The following ZNF492 variants were observed in gnomAD, a reference collection of about 807,000 sequenced individuals.
The protein encoded by ZNF492 is zinc finger protein 492.
Under a neutral mutation model 6.4 loss-of-function variants are expected in ZNF492, and 3 were observed. The observed-to-expected ratio is 0.47, with a 90% CI of 0.21 to 1.22. The LOEUF is 1.22. Among genes scored for constraint, ZNF492 ranks in the 50% most tolerant of loss-of-function variants. The pLI, the probability that ZNF492 is intolerant of heterozygous loss-of-function variation, is 0.22. For missense variants in ZNF492, 356 were observed against 612.5 expected, an observed-to-expected ratio of 0.58 and a Z score of 4.42; for synonymous variants, 112 against 205.3, an observed-to-expected ratio of 0.55 and a Z score of 3.89.
chr19:22,641,941 CTG>C (rs1568352231), intron 1 of ZNF492, among the ~76,000 whole-genome samples: 2 of 152,036 alleles, frequency 1.3e-5, no homozygotes, highest in Non-Finnish European at 2.9e-5. Context: ...CTACAGGCGC[CTG>C]CCACCATGCC....
chr19:22,647,420 T>C (rs7409379), intron 1 of ZNF492, among the ~76,000 whole-genome samples: 63,932 of 150,234 alleles, frequency 0.43, 16,579 homozygotes, highest in African/African-American at 0.75. Context: ...CTACACCCAG[T>C]TAATTTTTTT....
At position 22,654,322 on chromosome 19, in the gene ZNF492, G is replaced by A. The variant is rs572857560; in HGVS notation, c.130+307G>A. On this transcript the variant is annotated intron_variant, in intron 3 of 3. Coordinates refer to ENST00000456783, the MANE Select transcript of ZNF492 (RefSeq NM_020855.3). ...ACTTTTTCACTGTTTTTGAAAACAC[G>A]TAGATAATCTGCATAATTTTGAGAA... Among the ~76,000 whole-genome samples the A allele has an allele frequency of 4.9e-3, 745 of 152,118 alleles. 11 individuals are homozygous for A. Among genetic ancestry groups the A allele is most frequent in the South Asian group, 7.5e-3 (36 of 4,830 alleles).
At position 22,642,982 on chromosome 19, in the gene ZNF492, G is replaced by A. The variant is rs546283058; in HGVS notation, c.-94+8508G>A. On this transcript the variant is annotated intron_variant, in intron 1 of 3. Transcript: ENST00000456783. The stretch of plus-strand genomic sequence containing the variant: ...GAAGTACTTACAATGCAAAAGCAAG[G>A]TCTGGCCGTGGTGGCTCACTCCTGT... 3.3e-5 allele frequency among the ~76,000 whole-genome samples: 5 copies of A among 152,254 alleles called. No individual in the cohort carries two copies. The Middle Eastern group carries it at 0.014, about 414-fold the overall frequency.
chr19:22,640,825 T>G (rs1285733900), intron 1 of ZNF492, among the ~76,000 whole-genome samples: 2 of 152,170 alleles, frequency 1.3e-5, no homozygotes, highest in Non-Finnish European at 2.9e-5. Context: ...AGGGCTTTGA[T>G]TTATTTTTTG....
Position 22,667,276 on chromosome 19 carries a change from T to TG in ZNF492, c.*2013dup, listed in dbSNP as rs1208191095. 1 of 152,190 alleles carries TG rather than the reference T, an allele frequency of 6.6e-6. No individual in the cohort carries two copies. Among genetic ancestry groups the TG allele is most frequent in the Non-Finnish European group, 1.5e-5 (1 of 68,030 alleles). The allele number at this position is 152,190 out of a possible 1,614,324, so 9.4% of individuals were successfully genotyped here. A position where few individuals can be genotyped will look rare whatever the true frequency, so the allele number is the denominator to read the frequency against. Reference sequence around the variant, plus strand: ...TAAATGGTGGTAACAATACACTATTTGGTAAAAGAATGCACTAACATCTGT... The same window carrying TG: ...TAAATGGTGGTAACAATACACTATTTGGGTAAAAGAATGCACTAACATCTGT... On this transcript the variant is annotated 3_prime_UTR_variant, in exon 4 of 4. Transcript: ENST00000456783.
At position 22,660,927 on chromosome 19, in the gene ZNF492, T is replaced by C. The variant is rs200677905; in HGVS notation, c.131-2873T>C. Among the ~76,000 whole-genome samples, 241 of 149,868 alleles carry C rather than the reference T, an allele frequency of 1.6e-3. 1 individual carries two copies. Among genetic ancestry groups the C allele is most frequent in the East Asian group, 5.9e-3 (30 of 5,080 alleles). The stretch of plus-strand genomic sequence containing the variant: ...CAACTTGATAGCTTTTTTTTTTTTT[T>C]TCCCCTCAGGACTTTGTGTCACACG... On this transcript the variant is annotated intron_variant, in intron 3 of 3. Coordinates refer to ENST00000456783, the MANE Select transcript of ZNF492 (RefSeq NM_020855.3).
chr19:22,634,489 T>TCCGACATC lies in ZNF492; in HGVS notation c.-94+20_-94+27dup. 1 of 1,379,932 alleles carries TCCGACATC rather than the reference T, an allele frequency of 7.2e-7. No homozygotes were observed. The highest frequency in any genetic ancestry group is 1.0e-6 in the Non-Finnish European group (1 of 982,172). 85.5% of individuals were successfully genotyped at this position (1,379,932 alleles called of 1,614,324 possible). Reference sequence around the variant, plus strand: ...GCCTAGAAACGGTGAGAGTGCCGGGTCCGACATCCCGAGAGAGGGGAAGGG... The same window carrying TCCGACATC: ...GCCTAGAAACGGTGAGAGTGCCGGGTCCGACATCCCGACATCCCGAGAGAGGGGAAGGG... On this transcript the variant is annotated intron_variant, in intron 1 of 3. Transcript: ENST00000456783.
At chr19:22,645,630 C>T (rs1971870163) in intron 1 of ZNF492, among the ~76,000 whole-genome samples, 1 of 152,092 alleles carries the variant, frequency 6.6e-6, no homozygotes, top group South Asian at 2.1e-4. Context: ...CCTAGATTTT[C>T]TTCTAGGGTT....
intron 1 of ZNF492, among the ~76,000 whole-genome samples, chr19:22,639,481 C>T (rs7246908): frequency 0.11 from 17,138 of 151,774 alleles, 1,019 homozygotes; most frequent in East Asian, 0.16. Flanking sequence ...GAGGCCAAGG[C>T]GGGCAGATCA....
At chr19:22,654,867 C>CT (rs1244729947) in intron 3 of ZNF492, among the ~76,000 whole-genome samples, 4 of 150,250 alleles carry the variant, frequency 2.7e-5, no homozygotes, top group Non-Finnish European at 4.4e-5. Flanking sequence ...TCCCAGAGTG[C>CT]TAGAATTACA....
In ZNF492 at chr19:22,653,374, C is replaced by T; in HGVS notation, c.-26C>T. 6.2e-7 allele frequency: 1 copy of T among 1,613,842 alleles called. No homozygotes were observed. Among genetic ancestry groups the T allele is most frequent in the South Asian group, 1.1e-5 (1 of 91,066 alleles). ...GAGGAGTGGCAATGCCTGGACACCG[C>T]ACAGCAGAATTTATATAGGAATGTG... On this transcript the variant is annotated 5_prime_UTR_variant, in exon 2 of 4. Coordinates refer to ENST00000456783, the MANE Select transcript of ZNF492 (RefSeq NM_020855.3).
chr19:22,665,425 A>G lies in ZNF492; in HGVS notation c.*160A>G, dbSNP rs890835244. 8.7e-6 allele frequency: 12 copies of G among 1,380,550 alleles called. No homozygotes were observed. The African/African-American group carries it at 1.8e-4, about 20-fold the overall frequency. The allele number at this position is 1,380,550 out of a possible 1,614,324, so 85.5% of individuals were successfully genotyped here. A position where few individuals can be genotyped will look rare whatever the true frequency, so the allele number is the denominator to read the frequency against. On this transcript the variant is annotated 3_prime_UTR_variant, in exon 4 of 4. Coordinates refer to ENST00000456783, the MANE Select transcript of ZNF492 (RefSeq NM_020855.3). ...GCACAGGAAAGCCTTTATACTTGAG[A>G]ACAAATGTACAAATATAAAGAAAGT...
At chr19:22,644,104 GC>G in intron 1 of ZNF492, among the ~76,000 whole-genome samples, 1 of 152,264 alleles carries the variant, frequency 6.6e-6, no homozygotes, top group South Asian at 2.1e-4. Context: ...TGTGGTGGTA[GC>G]AGGTAAACAT....
In ZNF492 at chr19:22,667,608, A is replaced by T. The variant is rs1263090234; in HGVS notation, c.*2343A>T. 2 of 151,984 alleles carry T rather than the reference A, an allele frequency of 1.3e-5. No homozygotes were observed. The highest frequency in any genetic ancestry group is 6.6e-5 in the Admixed American group (1 of 15,254). 9.4% of individuals were successfully genotyped at this position (151,984 alleles called of 1,614,324 possible). ...CTACAGGGTTATTTTTATAATAAAA[A>T]TTATATACAAGTATAAAATTTACAC... On this transcript the variant is annotated 3_prime_UTR_variant, in exon 4 of 4. Coordinates refer to ENST00000456783, the MANE Select transcript of ZNF492 (RefSeq NM_020855.3).
At chr19:22,640,276 C>T (rs1361532421) in intron 1 of ZNF492, among the ~76,000 whole-genome samples, 1 of 152,070 alleles carries the variant, frequency 6.6e-6, no homozygotes, top group Non-Finnish European at 1.5e-5. Flanking sequence ...AATTCTCCTG[C>T]CTTAGCCTCC....
intron 1 of ZNF492, among the ~76,000 whole-genome samples, chr19:22,635,312 C>A (rs1971749928): frequency 1.3e-5 from 2 of 152,214 alleles, no homozygotes; most frequent in Non-Finnish European, 2.9e-5. Context: ...CAACCCCCCA[C>A]ACCCCATTTC....
Position 22,665,233 on chromosome 19 carries a change from A to C in ZNF492, c.1564A>C (p.Lys522Gln). 1 of 1,584,894 alleles carries C rather than the reference A, an allele frequency of 6.3e-7. No individual in the cohort carries two copies. The highest frequency in any genetic ancestry group is 8.6e-7 in the Non-Finnish European group (1 of 1,165,380). The change falls in exon 4 of 4, where the codon AAA becomes CAA. Residue 522 changes from lysine to glutamine, a missense_variant. Coordinates refer to ENST00000456783, the MANE Select transcript of ZNF492 (RefSeq NM_020855.3). ...TTGTGACAACATTGCAAAGATTTCCAAATATAAAAGAAATTGTGCTGGTGA... is the reference window on the plus strand; with the variant it reads ...TTGTGACAACATTGCAAAGATTTCCCAATATAAAAGAAATTGTGCTGGTGA... ...NACDNIAKIS[K>Q]YKRNCAGEK
chr19:22,641,237 TG>T (rs538379976), intron 1 of ZNF492, among the ~76,000 whole-genome samples: 2 of 152,330 alleles, frequency 1.3e-5, no homozygotes, highest in African/African-American at 4.8e-5. Context: ...AAGCATTTAA[TG>T]CTATAATTTT....
chr19:22,639,847 T>C (rs958441511), intron 1 of ZNF492, among the ~76,000 whole-genome samples: 1 of 151,974 alleles, frequency 6.6e-6, no homozygotes, highest in African/African-American at 2.4e-5. Context: ...CTTTTTTTTT[T>C]TATCTTGCCT....
Sources: gnomAD v4.1 joint callset for allele counts (sites outside exome capture counted in the v4.1 genomes callset) on GRCh38, gnomAD v4.1.1 for gene constraint, MANE v1.5 for transcripts, NCBI Gene and HGNC (gene_info 2026-07-23, HGNC 2026-07-21) for gene names.